The following DLGAP2 variants were observed in gnomAD, a reference collection of about 807,000 sequenced individuals.
DLGAP2 encodes the protein disks large-associated protein 2.
DLGAP2 carries 26 observed loss-of-function variants against 100.3 expected under a neutral mutation model. The observed-to-expected ratio is 0.26, with a 90% CI of 0.19 to 0.36. The LOEUF (loss-of-function observed/expected upper bound fraction) is 0.36. Among genes scored for constraint, DLGAP2 ranks in the 10% least tolerant of loss-of-function variants. DLGAP2 has a pLI of 1.00. For missense variants in DLGAP2, 1,858 were observed against 1,453.2 expected, an observed-to-expected ratio of 1.28 and a Z score of -4.53; for synonymous variants, 886 against 630.1, an observed-to-expected ratio of 1.41 and a Z score of -6.08.
At chr8:1,570,589 A>G (rs549651381) in intron 6 of DLGAP2, among the ~76,000 whole-genome samples, 1 of 152,314 alleles carries the variant, frequency 6.6e-6, no homozygotes, top group South Asian at 2.1e-4. Flanking sequence ...AGACGCTGTA[A>G]TGCCCAAGAG....
chr8:1,144,891 C>T (rs1225562002), intron 2 of DLGAP2, among the ~76,000 whole-genome samples: 5 of 149,958 alleles, frequency 3.3e-5, no homozygotes, highest in African/African-American at 4.9e-5. Flanking sequence ...ACGGCCTGTA[C>T]CCACAGTCAA....
chr8:1,579,656 C>G (rs192053810), intron 6 of DLGAP2, among the ~76,000 whole-genome samples: 3 of 152,220 alleles, frequency 2.0e-5, no homozygotes, highest in African/African-American at 7.2e-5. Context: ...ATTCATCTAC[C>G]TTATCAATAA....
intron 2 of DLGAP2, among the ~76,000 whole-genome samples, chr8:1,161,448 G>A (rs2129052677): frequency 6.6e-6 from 1 of 152,306 alleles, no homozygotes; most frequent in East Asian, 1.9e-4. Flanking sequence ...GCTGGCAGAG[G>A]GCTCAGCGAT....
At chr8:773,715 T>C (rs1821429557) in intron 1 of DLGAP2, among the ~76,000 whole-genome samples, 1 of 152,084 alleles carries the variant, frequency 6.6e-6, no homozygotes, top group Admixed American at 6.6e-5. Context: ...CCATGGTGTA[T>C]ATATGCCACA....
chr8:1,222,706 G>T (rs1798340458), intron 2 of DLGAP2, among the ~76,000 whole-genome samples: 1 of 152,078 alleles, frequency 6.6e-6, no homozygotes, highest in African/African-American at 2.4e-5. Context: ...GCACTGGTGG[G>T]GTTTATCTGC....
chr8:965,686 T>C (rs1300250554), intron 2 of DLGAP2, among the ~76,000 whole-genome samples: 2 of 142,050 alleles, frequency 1.4e-5, no homozygotes, highest in Non-Finnish European at 3.1e-5. Context: ...ACGGCACTGT[T>C]CACCTCACAC....
At chr8:1,413,086 G>A (rs148221245) in intron 3 of DLGAP2, among the ~76,000 whole-genome samples, 1 of 152,088 alleles carries the variant, frequency 6.6e-6, no homozygotes, top group Non-Finnish European at 1.5e-5. Context: ...TACCTCCTCA[G>A]TTCTCCTAGT....
At chr8:1,200,443 G>A (rs1292585652) in intron 2 of DLGAP2, among the ~76,000 whole-genome samples, 2 of 152,158 alleles carry the variant, frequency 1.3e-5, no homozygotes, top group African/African-American at 2.4e-5. Flanking sequence ...TGGTGTTTCC[G>A]TTCACACTGC....
At chr8:1,196,816 C>T (rs1797761956) in intron 2 of DLGAP2, among the ~76,000 whole-genome samples, 1 of 152,116 alleles carries the variant, frequency 6.6e-6, no homozygotes, top group Non-Finnish European at 1.5e-5. Context: ...GCGGTAACTG[C>T]TCATCACACA....
chr8:1,599,631 C>G (rs1043704952), intron 6 of DLGAP2, among the ~76,000 whole-genome samples: 1 of 152,092 alleles, frequency 6.6e-6, no homozygotes, highest in Non-Finnish European at 1.5e-5. Flanking sequence ...TTATGTGATG[C>G]TCTTCTTTGT....
intron 4 of DLGAP2, among the ~76,000 whole-genome samples, chr8:1,540,762 C>T (rs955930432): frequency 6.6e-6 from 1 of 152,214 alleles, no homozygotes; most frequent in Admixed American, 6.5e-5. Context: ...GCTGCCTGTA[C>T]CTTCTGGAAA....
chr8:1,287,717 G>A (rs1799972036), intron 3 of DLGAP2, among the ~76,000 whole-genome samples: 12 of 9,032 alleles, frequency 1.3e-3, no homozygotes, highest in African/African-American at 5.4e-3. Flanking sequence ...GTGTGTGTGT[G>A]TGTATGTGTG....
At chr8:1,243,125 G>A (rs374505072) in intron 2 of DLGAP2, among the ~76,000 whole-genome samples, 8 of 152,122 alleles carry the variant, frequency 5.3e-5, no homozygotes, top group East Asian at 1.9e-4. Context: ...CTTTGTGGGC[G>A]GTTACCCTGA....
chr8:1,474,944 A>T (rs1206336560), intron 3 of DLGAP2, among the ~76,000 whole-genome samples: 1 of 152,240 alleles, frequency 6.6e-6, no homozygotes, highest in African/African-American at 2.4e-5. Context: ...CAGACATCAC[A>T]GCACTATTCG....
At chr8:1,344,693 C>T (rs367841408) in intron 3 of DLGAP2, among the ~76,000 whole-genome samples, 16 of 152,294 alleles carry the variant, frequency 1.1e-4, no homozygotes, top group Admixed American at 5.2e-4. Flanking sequence ...CGCGCTCCTC[C>T]GTAACCCCAC....
At chr8:840,687 T>A (rs1327622964) in intron 1 of DLGAP2, among the ~76,000 whole-genome samples, 4 of 146,588 alleles carry the variant, frequency 2.7e-5, no homozygotes, top group African/African-American at 1.0e-4. Context: ...GGTGCACACC[T>A]GTATGTCTCC....
chr8:1,123,569 A>G (rs192000168), intron 2 of DLGAP2, among the ~76,000 whole-genome samples: 3 of 152,356 alleles, frequency 2.0e-5, no homozygotes, highest in Admixed American at 2.0e-4. Context: ...TAAAACCTGG[A>G]AAAGTGATAC....
intron 2 of DLGAP2, among the ~76,000 whole-genome samples, chr8:1,251,831 C>A (rs1375867069): frequency 6.6e-6 from 1 of 152,242 alleles, no homozygotes; most frequent in South Asian, 2.1e-4. Flanking sequence ...CGGCCATGTC[C>A]TGTAGGCGTG....
intron 3 of DLGAP2, among the ~76,000 whole-genome samples, chr8:1,364,764 C>T (rs73170492): frequency 0.022 from 3,349 of 152,320 alleles, 59 homozygotes; most frequent in Non-Finnish European, 0.038. Context: ...GAACGAAGGA[C>T]GAGAGGGCTT....
Sources: allele counts gnomAD v4.1 joint callset (sites outside exome capture counted in the v4.1 genomes callset), GRCh38; gene constraint gnomAD v4.1.1; transcripts MANE v1.5; gene names NCBI Gene and HGNC (gene_info 2026-07-23, HGNC 2026-07-21).